Variants in PTPRD observed in about 807,000 individuals in gnomAD.
The protein encoded by PTPRD is receptor-type tyrosine-protein phosphatase delta.
PTPRD carries 34 observed loss-of-function variants against 214.5 expected under a neutral mutation model. The observed-to-expected ratio is 0.16, with a 90% CI of 0.12 to 0.21. The LOEUF (loss-of-function observed/expected upper bound fraction) is 0.21. Ranked by LOEUF, PTPRD falls within the 10% of genes least tolerant of loss-of-function variation. The pLI, the probability that PTPRD is intolerant of heterozygous loss-of-function variation, is 1.00. For synonymous variants in PTPRD, 1,128 were observed against 845.7 expected, an observed-to-expected ratio of 1.33 and a Z score of -5.79; for missense variants, 2,545 against 2,398.7, an observed-to-expected ratio of 1.06 and a Z score of -1.27.
At chr9:8,609,000 T>C (rs2095344228) in intron 14 of PTPRD, among the ~76,000 whole-genome samples, 1 of 152,152 alleles carries the variant, frequency 6.6e-6, no homozygotes, top group Non-Finnish European at 1.5e-5. Context: ...GTTTCCCACA[T>C]ATCACCTCTA....
chr9:9,956,648 G>A lies in PTPRD; in HGVS notation c.-471-18038C>T, dbSNP rs538066396. On this transcript the variant is annotated intron_variant, in intron 4 of 45. Transcript: ENST00000381196. ...CAAATAGCTATTTCAGATAATTAAG[G>A]TAGGACATATGTGAATGAGACAAGG... 3.3e-5 allele frequency among the ~76,000 whole-genome samples: 5 copies of A among 152,094 alleles called. No homozygotes were observed. In the South Asian group the frequency reaches 6.2e-4, roughly 19 times the overall value.
At position 9,833,685 on chromosome 9, in the gene PTPRD, G is replaced by GGT. The variant is rs1555186479; in HGVS notation, c.-367-66835_-367-66834insAC. 8.6e-4 allele frequency among the ~76,000 whole-genome samples: 126 copies of GGT among 146,330 alleles called. 3 individuals are homozygous for GGT. The highest frequency in any genetic ancestry group is 3.1e-3 in the African/African-American group (117 of 37,810). On this transcript the variant is annotated intron_variant, in intron 5 of 45. Coordinates refer to ENST00000381196, the MANE Select transcript of PTPRD (RefSeq NM_002839.4). ...TAAGAGACAGGTACGCTCCGGAGAG[G>GGT]GGGGCAGTTCAGAGACCTACCCCTA...
intron 10 of PTPRD, among the ~76,000 whole-genome samples, chr9:9,055,563 C>T (rs1034819069): frequency 6.6e-6 from 1 of 152,078 alleles, no homozygotes; most frequent in Non-Finnish European, 1.5e-5. Context: ...AGAGTAGACA[C>T]AGGAGACTAG....
At chr9:8,477,101 T>C (rs1349083871) in intron 30 of PTPRD, among the ~76,000 whole-genome samples, 2 of 151,360 alleles carry the variant, frequency 1.3e-5, no homozygotes, top group Non-Finnish European at 2.9e-5. Flanking sequence ...TCATATGAGC[T>C]GAAAGAACTT....
At chr9:9,795,978 C>T (rs997488275) in intron 5 of PTPRD, among the ~76,000 whole-genome samples, 1 of 151,686 alleles carries the variant, frequency 6.6e-6, no homozygotes, top group Non-Finnish European at 1.5e-5. Flanking sequence ...TATGCACCAC[C>T]GTCACAAGAA....
chr9:9,821,556 T>G (rs1001526580), intron 5 of PTPRD, among the ~76,000 whole-genome samples: 11 of 152,178 alleles, frequency 7.2e-5, no homozygotes, highest in Non-Finnish European at 1.2e-4. Flanking sequence ...ATATAAGATA[T>G]AGATAAATAT....
chr9:9,250,628 T>C (rs750582085), intron 9 of PTPRD, among the ~76,000 whole-genome samples: 47 of 152,096 alleles, frequency 3.1e-4, no homozygotes, highest in Non-Finnish European at 6.0e-4. Context: ...ACTGATAAAA[T>C]GTTTTGCATT....
intron 9 of PTPRD, among the ~76,000 whole-genome samples, chr9:9,211,631 A>G (rs539080406): frequency 1.3e-5 from 2 of 152,276 alleles, no homozygotes; most frequent in East Asian, 1.9e-4. Context: ...AATATTTGAC[A>G]TATACCAAAG....
intron 12 of PTPRD, among the ~76,000 whole-genome samples, chr9:8,646,403 A>G (rs148500192): frequency 6.6e-6 from 1 of 152,302 alleles, no homozygotes; most frequent in African/African-American, 2.4e-5. Context: ...GCAAACTAAC[A>G]CCAGAAATAC....
chr9:10,260,103 T>TA (rs961642315), intron 3 of PTPRD, among the ~76,000 whole-genome samples: 2 of 152,048 alleles, frequency 1.3e-5, no homozygotes, highest in African/African-American at 4.8e-5. Flanking sequence ...ATATTTATAC[T>TA]AAAAAAAATT....
chr9:10,216,597 A>C (rs1045578835), intron 3 of PTPRD, among the ~76,000 whole-genome samples: 1 of 152,000 alleles, frequency 6.6e-6, no homozygotes, highest in African/African-American at 2.4e-5. Flanking sequence ...AGAATACTAA[A>C]AATGCATACA....
chr9:10,571,774 G>C (rs1270603245), intron 2 of PTPRD, among the ~76,000 whole-genome samples: 2 of 152,158 alleles, frequency 1.3e-5, no homozygotes, highest in East Asian at 3.9e-4. Context: ...TCAGGCACTA[G>C]ATTCTCATAA....
chr9:9,072,268 G>C (rs1213683284), intron 10 of PTPRD, among the ~76,000 whole-genome samples: 6 of 142,286 alleles, frequency 4.2e-5, no homozygotes, highest in Middle Eastern at 3.8e-3. Flanking sequence ...CACGAACAAA[G>C]AGCTGGCAAC....
chr9:8,453,939 T>C (rs112612109), intron 33 of PTPRD, among the ~76,000 whole-genome samples: 8 of 152,312 alleles, frequency 5.3e-5, no homozygotes, highest in African/African-American at 1.7e-4. Flanking sequence ...TAATCGGGAA[T>C]TTATATATAT....
intron 11 of PTPRD, chr9:8,962,953 C>T (rs776167792): frequency 6.6e-6 from 1 of 151,998 alleles, no homozygotes; most frequent in African/African-American, 2.4e-5. Context: ...TCAGGATATA[C>T]ACAAAAGATT....
intron 3 of PTPRD, among the ~76,000 whole-genome samples, chr9:10,179,806 C>T (rs2099271387): frequency 6.6e-6 from 1 of 152,064 alleles, no homozygotes; most frequent in Admixed American, 6.6e-5. Context: ...ACAGCCTACC[C>T]TCTTCAGCAG....
chr9:8,472,297 C>A (rs953852572), intron 30 of PTPRD, among the ~76,000 whole-genome samples: 1 of 152,100 alleles, frequency 6.6e-6, no homozygotes, highest in Admixed American at 6.6e-5. Flanking sequence ...TAAACATACC[C>A]CCATACCTTT....
chr9:10,209,552 C>A (rs967899613), intron 3 of PTPRD, among the ~76,000 whole-genome samples: 1 of 152,068 alleles, frequency 6.6e-6, no homozygotes, highest in Non-Finnish European at 1.5e-5. Flanking sequence ...ATTCCAGTAA[C>A]ATTGACAGTT....
intron 9 of PTPRD, among the ~76,000 whole-genome samples, chr9:9,249,473 T>G (rs942956452): frequency 6.6e-6 from 1 of 152,104 alleles, no homozygotes; most frequent in South Asian, 2.1e-4. Context: ...CCAACTACAT[T>G]TTCAAAAAAA....
Sources: gnomAD v4.1 joint callset for allele counts (sites outside exome capture counted in the v4.1 genomes callset) on GRCh38, gnomAD v4.1.1 for gene constraint, MANE v1.5 for transcripts, NCBI Gene and HGNC (gene_info 2026-07-23, HGNC 2026-07-21) for gene names.